Variants in AQR observed in about 807,000 individuals in gnomAD.
AQR encodes the protein RNA helicase aquarius.
AQR carries 61 observed loss-of-function variants against 180.5 expected under a neutral mutation model. The ratio of observed to expected loss-of-function variants is 0.34; its 90% CI spans 0.28 to 0.42. The LOEUF is 0.42. AQR is among the 10% of genes least tolerant of loss of function. AQR has a pLI of 1.00. For synonymous variants in AQR, 551 were observed against 588.8 expected (o/e 0.94, Z 0.93); for missense variants, 1,281 against 1,798.3 (o/e 0.71, Z 5.20).
At chr15:34,909,994 T>C in intron 17 of AQR, 141 bp downstream of exon 17, 1 of 942,046 alleles carries the variant, frequency 1.1e-6, no homozygotes. Context: ...AAAAAGTTGC[T>C]ATTCTTTAAA....
intron 11 of AQR, among the ~76,000 whole-genome samples, chr15:34,930,834 T>C (rs1566991680): frequency 5.4e-4 from 20 of 36,924 alleles, no homozygotes; most frequent in South Asian, 1.8e-3. Context: ...TTTTTTTTTT[T>C]TTTTTTTTTT....
chr15:34,931,381 T>G (rs566091521), intron 11 of AQR, among the ~76,000 whole-genome samples: 2 of 152,186 alleles, frequency 1.3e-5, no homozygotes, highest in African/African-American at 4.8e-5. Context: ...GGCAAATCAC[T>G]AGACAGAAAT....
rs1376677536 is a variant in AQR at position 34,873,945 on chromosome 15, C to T, written c.3480G>A (p.Val1160=). The T allele has an allele frequency of 6.2e-7, 1 of 1,611,746 alleles. No homozygotes were observed. The highest frequency in any genetic ancestry group is 2.2e-5 in the East Asian group (1 of 44,812). The change falls in exon 30 of 35, where the codon GTG becomes GTA. Residue 1160 remains valine, a synonymous_variant. Transcript: ENST00000156471. ...RYKNLGNLPH[V]QLLPEFSTAN... ...CTGTACTAAACTCTGGCAAGAGCTG[C>T]ACATGGGGTAAGTTTCCTAGATTCT... is the stretch of plus-strand genomic sequence containing the variant.
intron 3 of AQR, among the ~76,000 whole-genome samples, chr15:34,958,173 A>G (rs542409666): frequency 6.6e-6 from 1 of 152,216 alleles, no homozygotes; most frequent in African/African-American, 2.4e-5. Context: ...ATGCCACTGC[A>G]CTCCAGCCTG....
At chr15:34,890,087 T>C in intron 24 of AQR, 128 bp downstream of exon 24, 2 of 745,962 alleles carry the variant, frequency 2.7e-6, no homozygotes, top group Non-Finnish European at 4.2e-6. Flanking sequence ...CATATAGTCT[T>C]AGTAAGTTAA....
intron 20 of AQR, among the ~76,000 whole-genome samples, chr15:34,900,343 G>A (rs959943525): frequency 6.6e-6 from 1 of 152,144 alleles, no homozygotes; most frequent in Non-Finnish European, 1.5e-5. Flanking sequence ...TTAGTCAAAT[G>A]CTATAAATAT....
At chr15:34,889,422 T>C (rs189561014) in intron 24 of AQR, among the ~76,000 whole-genome samples, 94 of 152,376 alleles carry the variant, frequency 6.2e-4, no homozygotes, top group African/African-American at 2.1e-3. Context: ...ACATTAAATA[T>C]GTCCAGCTGT....
At chr15:34,898,281 T>C (rs1014514903) in intron 20 of AQR, among the ~76,000 whole-genome samples, 1 of 152,210 alleles carries the variant, frequency 6.6e-6, no homozygotes, top group Non-Finnish European at 1.5e-5. Flanking sequence ...TCCCCACAGA[T>C]ACCTCAGGGA....
intron 24 of AQR, among the ~76,000 whole-genome samples, chr15:34,889,108 C>T (rs982733737): frequency 6.6e-6 from 1 of 152,146 alleles, no homozygotes; most frequent in Non-Finnish European, 1.5e-5. Context: ...CCTTCATGTT[C>T]ACTGAATTCT....
chr15:34,941,609 C>A (rs1894023896), intron 7 of AQR, among the ~76,000 whole-genome samples: 1 of 151,974 alleles, frequency 6.6e-6, no homozygotes, highest in Non-Finnish European at 1.5e-5. Flanking sequence ...GGCTTTGGTA[C>A]CTGCACATAT....
chr15:34,927,193 C>T (rs758924995), intron 12 of AQR, 55 bp from the exon 13 acceptor site: 23 of 981,822 alleles, frequency 2.3e-5, no homozygotes, highest in Non-Finnish European at 3.0e-5. Flanking sequence ...TTAATATAAA[C>T]ATCTACTATT....
At chr15:34,916,716 G>T (rs927298186) in intron 15 of AQR, among the ~76,000 whole-genome samples, 8 of 151,614 alleles carry the variant, frequency 5.3e-5, no homozygotes, top group Non-Finnish European at 1.0e-4. Flanking sequence ...CAAGAATCTT[G>T]CCAAGGATAA....
chr15:34,896,964 T>C lies in AQR; in HGVS notation c.2393A>G (p.Asn798Ser). The stretch of plus-strand genomic sequence containing the variant: ...CTGTGTATGAGTGAACTGAATCGTA[T>C]TACTGCAAATAAGAGTAAATAAAAA... ...GPYPYNQPKRNTIQFTHTQIE... is the reference protein window; with the variant it reads ...GPYPYNQPKRSTIQFTHTQIE... The change falls in exon 22 of 35, where the codon AAT becomes AGT. Residue 798 changes from asparagine (N) to serine (S), a missense_variant and splice_region_variant. Coordinates refer to ENST00000156471, the MANE Select transcript of AQR (RefSeq NM_014691.3). 1 of 1,611,016 alleles carries C rather than the reference T, an allele frequency of 6.2e-7. No individual in the cohort carries two copies. The highest frequency in any genetic ancestry group is 8.5e-7 in the Non-Finnish European group (1 of 1,177,210).
chr15:34,868,340 G>A (rs1168144479), intron 31 of AQR: 1 of 151,266 alleles, frequency 6.6e-6, no homozygotes, highest in Admixed American at 6.6e-5. Context: ...AAAAAAAAAA[G>A]AAGAAGAAAG....
At chr15:34,893,607 G>GCACA (rs386382691) in intron 23 of AQR, 56 bp downstream of exon 23, 21,904 of 994,166 alleles carry the variant, frequency 0.022, 141 homozygotes, top group East Asian at 0.046. Context: ...GCGCATGCGT[G>GCACA]CACACACACA....
chr15:34,867,684 T>G, intron 31 of AQR, 75 bp from the exon 32 acceptor site: 1 of 1,021,766 alleles, frequency 9.8e-7, no homozygotes, highest in Non-Finnish European at 1.5e-6. Context: ...AATAATGTGC[T>G]AGGAACAAAC....
chr15:34,872,575 C>G (rs565689882), intron 30 of AQR, among the ~76,000 whole-genome samples: 1 of 152,096 alleles, frequency 6.6e-6, no homozygotes, highest in South Asian at 2.1e-4. Context: ...TAATTAATTT[C>G]TAAGGTGGCT....
chr15:34,900,075 T>A (rs1016192373), intron 20 of AQR, among the ~76,000 whole-genome samples: 2 of 152,000 alleles, frequency 1.3e-5, no homozygotes, highest in Non-Finnish European at 2.9e-5. Context: ...TGAATTTTTT[T>A]AGAGATGGGG....
intron 18 of AQR, 92 bp downstream of exon 18, chr15:34,906,453 T>G: frequency 6.8e-7 from 1 of 1,480,296 alleles, no homozygotes; most frequent in Non-Finnish European, 9.1e-7. Context: ...GTAAAAGAAC[T>G]AAAAAATATT....
Sources: allele counts gnomAD v4.1 joint callset (sites outside exome capture counted in the v4.1 genomes callset), GRCh38; gene constraint gnomAD v4.1.1; transcripts MANE v1.5; gene names NCBI Gene and HGNC (gene_info 2026-07-23, HGNC 2026-07-21).